The following ADAMTSL1 variants were observed in gnomAD, a reference collection of about 807,000 sequenced individuals.
The protein encoded by ADAMTSL1 is ADAMTS-like protein 1.
A neutral mutation model predicts 201.8 loss-of-function variants in ADAMTSL1; 126 were observed. The observed-to-expected ratio is 0.62, with a 90% CI of 0.54 to 0.72. ADAMTSL1 has a LOEUF of 0.72. ADAMTSL1 is among the 30% of genes least tolerant of loss of function. The pLI is 0.00. For missense variants in ADAMTSL1, 2,679 were observed against 2,277.8 expected (o/e 1.18, Z -3.59); for synonymous variants, 1,121 against 903.4 (o/e 1.24, Z -4.32).
intron 1 of ADAMTSL1, among the ~76,000 whole-genome samples, chr9:18,475,342 A>G (rs1361586901): frequency 6.6e-6 from 1 of 152,198 alleles, no homozygotes; most frequent in Non-Finnish European, 1.5e-5. Flanking sequence ...ATATTCTGAC[A>G]AATCTGATCT....
chr9:18,374,328 T>G (rs1002179446), intron 2 of ADAMTSL1, among the ~76,000 whole-genome samples: 16 of 151,718 alleles, frequency 1.1e-4, no homozygotes, highest in Non-Finnish European at 2.2e-4. Context: ...TTATTTAATT[T>G]TTTTTAATTT....
At chr9:18,061,534 T>A (rs1822455264) in intron 1 of ADAMTSL1, among the ~76,000 whole-genome samples, 1 of 152,196 alleles carries the variant, frequency 6.6e-6, no homozygotes, top group East Asian at 1.9e-4. Context: ...CTATAAAATA[T>A]TAGTGTGCCA....
At chr9:18,267,741 C>G (rs1443958509) in intron 2 of ADAMTSL1, among the ~76,000 whole-genome samples, 1 of 140,300 alleles carries the variant, frequency 7.1e-6, no homozygotes, top group Non-Finnish European at 1.5e-5. Flanking sequence ...TTCTATATTT[C>G]TCAGGTTACT....
intron 13 of ADAMTSL1, among the ~76,000 whole-genome samples, chr9:18,692,564 A>G (rs979770526): frequency 5.3e-5 from 8 of 152,192 alleles, no homozygotes; most frequent in African/African-American, 1.9e-4. Context: ...CCACCAATAT[A>G]TGTTAAGTCC....
chr9:18,716,528 C>G (rs1326222901), intron 14 of ADAMTSL1, among the ~76,000 whole-genome samples: 1 of 150,814 alleles, frequency 6.6e-6, no homozygotes, highest in East Asian at 2.0e-4. Flanking sequence ...CAAATCAAAA[C>G]CACAATGAGA....
intron 15 of ADAMTSL1, among the ~76,000 whole-genome samples, chr9:18,727,089 C>A (rs561175173): frequency 6.6e-6 from 1 of 152,346 alleles, no homozygotes; most frequent in Admixed American, 6.5e-5. Flanking sequence ...TCCATGTATA[C>A]TAGCAGCAAA....
chr9:18,161,355 A>G (rs147993579), intron 1 of ADAMTSL1, among the ~76,000 whole-genome samples: 1 of 152,206 alleles, frequency 6.6e-6, no homozygotes, highest in East Asian at 1.9e-4. Flanking sequence ...AAATGCAACT[A>G]AGTTCATTAG....
chr9:17,946,248 C>T (rs910523201), intron 1 of ADAMTSL1, among the ~76,000 whole-genome samples: 21 of 151,824 alleles, frequency 1.4e-4, no homozygotes, highest in Admixed American at 1.1e-3. Context: ...TTCCTGCCAC[C>T]TTAGTCTCCC....
At chr9:18,426,684 G>T (rs918537440) in intron 2 of ADAMTSL1, among the ~76,000 whole-genome samples, 2 of 151,924 alleles carry the variant, frequency 1.3e-5, no homozygotes, top group African/African-American at 4.8e-5. Flanking sequence ...AGCCCGGGGG[G>T]TTGCACCATT....
At chr9:18,146,927 C>T (rs557245392) in intron 1 of ADAMTSL1, among the ~76,000 whole-genome samples, 1 of 152,220 alleles carries the variant, frequency 6.6e-6, no homozygotes, top group African/African-American at 2.4e-5. Context: ...TTCTGTCCCA[C>T]ATTTCTAAGT....
chr9:18,085,276 C>A (rs1168093040), intron 1 of ADAMTSL1, among the ~76,000 whole-genome samples: 1 of 152,118 alleles, frequency 6.6e-6, no homozygotes, highest in Non-Finnish European at 1.5e-5. Flanking sequence ...AGCTTTGCCA[C>A]TTACCAGCTG....
chr9:18,619,911 A>G (rs563296683), intron 4 of ADAMTSL1, among the ~76,000 whole-genome samples: 1 of 152,114 alleles, frequency 6.6e-6, no homozygotes, highest in Non-Finnish European at 1.5e-5. Context: ...AAAAACCACA[A>G]CAATAGTAGA....
intron 1 of ADAMTSL1, among the ~76,000 whole-genome samples, chr9:17,997,992 C>A (rs1819453315): frequency 6.6e-6 from 1 of 151,974 alleles, no homozygotes; most frequent in Non-Finnish European, 1.5e-5. Flanking sequence ...GAAATAGAAG[C>A]AGTATTCTCC....
At chr9:18,328,262 G>C (rs1260152821) in intron 2 of ADAMTSL1, among the ~76,000 whole-genome samples, 3 of 152,156 alleles carry the variant, frequency 2.0e-5, no homozygotes, top group Non-Finnish European at 4.4e-5. Context: ...ATGACCCGCA[G>C]TTCTTATTAT....
intron 7 of ADAMTSL1, among the ~76,000 whole-genome samples, chr9:18,642,715 A>C (rs1360348446): frequency 6.6e-6 from 1 of 151,954 alleles, no homozygotes; most frequent in Non-Finnish European, 1.5e-5. Context: ...TATTTCATTT[A>C]ACATAATGTT....
intron 15 of ADAMTSL1, among the ~76,000 whole-genome samples, chr9:18,742,150 T>C (rs1163939292): frequency 5.9e-5 from 9 of 152,202 alleles, no homozygotes. Flanking sequence ...TTAACTTAAT[T>C]ATCTCCATAA....
chr9:18,291,680 C>T (rs1051986552), intron 2 of ADAMTSL1, among the ~76,000 whole-genome samples: 1 of 151,572 alleles, frequency 6.6e-6, no homozygotes, highest in African/African-American at 2.4e-5. Flanking sequence ...CTCTCTCTCT[C>T]TCTCGGGTGC....
intron 16 of ADAMTSL1, among the ~76,000 whole-genome samples, chr9:18,766,835 T>C (rs1431723887): frequency 6.6e-6 from 1 of 152,150 alleles, no homozygotes; most frequent in Non-Finnish European, 1.5e-5. Flanking sequence ...CCTTGGGAGT[T>C]AGGATTTCAG....
At chr9:18,607,983 G>T (rs1158237880) in intron 4 of ADAMTSL1, among the ~76,000 whole-genome samples, 1 of 152,064 alleles carries the variant, frequency 6.6e-6, no homozygotes, top group African/African-American at 2.4e-5. Context: ...ATCATTGTCG[G>T]ACATAAACCA....
Sources: gnomAD v4.1 joint callset for allele counts (sites outside exome capture counted in the v4.1 genomes callset) on GRCh38, gnomAD v4.1.1 for gene constraint, MANE v1.5 for transcripts, NCBI Gene and HGNC (gene_info 2026-07-23, HGNC 2026-07-21) for gene names.